The following SPTBN2 variants were observed in gnomAD, a reference collection of about 807,000 sequenced individuals.
The protein encoded by SPTBN2 is spectrin beta, non-erythrocytic 2, also known as spectrin beta chain, non-erythrocytic 2.
A neutral mutation model predicts 284.2 loss-of-function variants in SPTBN2; 107 were observed. The ratio of observed to expected loss-of-function variants is 0.38; its 90% CI spans 0.32 to 0.44. SPTBN2 has a LOEUF of 0.44. Among genes scored for constraint, SPTBN2 ranks in the 20% least tolerant of loss-of-function variants. The probability of loss-of-function intolerance (pLI) is 1.00; values close to 1 mark genes in which losing one functional copy is unlikely to be tolerated. For synonymous variants in SPTBN2, 1,289 were observed against 1,354.8 expected (o/e 0.95, Z 1.07); for missense variants, 2,569 against 3,287.1 (o/e 0.78, Z 5.34).
At chr11:66,714,547 C>T in intron 5 of SPTBN2, 140 bp from the exon 6 acceptor site, 1 of 756,120 alleles carries the variant, frequency 1.3e-6, no homozygotes, top group Non-Finnish European at 2.3e-6. Context: ...TCCTTTCAAC[C>T]TAGGCCAGGG....
At chr11:66,709,702 T>C (rs997881741) in intron 10 of SPTBN2, among the ~76,000 whole-genome samples, 3 of 152,234 alleles carry the variant, frequency 2.0e-5, no homozygotes, top group African/African-American at 2.4e-5. Context: ...CTGGAATGTA[T>C]AGAAACAATT....
In SPTBN2 at chr11:66,685,718, A is replaced by T; in HGVS notation, c.*153T>A. 1 of 717,836 alleles carries T rather than the reference A, an allele frequency of 1.4e-6. No homozygotes were observed. The highest frequency in any genetic ancestry group is 2.1e-5 in the Admixed American group (1 of 47,290). 44.5% of individuals were successfully genotyped at this position (717,836 alleles called of 1,614,324 possible). A position where few individuals can be genotyped will look rare whatever the true frequency, so the allele number is the denominator to read the frequency against. ...AGAAGGGCTGCCCTTGGGAACATGG[A>T]CTCGTCCCCAGTGACAGTTCCTGGT... On this transcript the variant is annotated 3_prime_UTR_variant, in exon 38 of 38. Transcript: ENST00000533211. The surrounding 1 kb of genome is among the most constrained non-coding windows in gnomAD (Gnocchi z 4.4).
In SPTBN2 at chr11:66,742,020, C is replaced by T. The variant is rs148981558; in HGVS notation, c.-475+2522G>A. 3.3e-3 allele frequency among the ~76,000 whole-genome samples: 498 copies of T among 152,218 alleles called. 2 individuals are homozygous for T. Among genetic ancestry groups the T allele is most frequent in the African/African-American group, 0.012 (484 of 41,522 alleles). ...ATTTTTTTGTAGAGACAGGCTGTCACTATAATGCCCAGGTTGGTCTCAAAC... is the reference window on the plus strand; with the variant it reads ...ATTTTTTTGTAGAGACAGGCTGTCATTATAATGCCCAGGTTGGTCTCAAAC... On this transcript the variant is annotated intron_variant, in intron 1 of 37. Transcript: ENST00000611817.
intron 20 of SPTBN2, among the ~76,000 whole-genome samples, chr11:66,698,167 G>A (rs1941035896): frequency 6.6e-6 from 1 of 152,196 alleles, no homozygotes; most frequent in African/African-American, 2.4e-5. Flanking sequence ...CTGGCCCACT[G>A]CCTGTTTTTA....
chr11:66,708,555 C>A lies in SPTBN2; in HGVS notation c.1192-256G>T, dbSNP rs115726288. Among the ~76,000 whole-genome samples, 1 of 152,082 alleles carries A rather than the reference C, an allele frequency of 6.6e-6. No homozygotes were observed. The highest frequency in any genetic ancestry group is 2.4e-5 in the African/African-American group (1 of 41,402). On this transcript the variant is annotated intron_variant, in intron 11 of 37. Transcript: ENST00000533211. The surrounding 1 kb of genome is among the most constrained non-coding windows in gnomAD (Gnocchi z 4.4). Reference sequence around the variant, plus strand: ...TCCTTTGTGTTGGCAGGACTGTGTGCGAACCTTATTTTTACTTTTAGTAAT... The same window carrying A: ...TCCTTTGTGTTGGCAGGACTGTGTGAGAACCTTATTTTTACTTTTAGTAAT...
intron 15 of SPTBN2, 32 bp downstream of exon 15, chr11:66,704,566 G>T: frequency 6.8e-6 from 9 of 1,314,002 alleles, no homozygotes; most frequent in South Asian, 1.2e-5. Flanking sequence ...CACCTCCCAA[G>T]GCTGGTCCCA....
intron 3 of SPTBN2, among the ~76,000 whole-genome samples, chr11:66,720,688 G>A (rs1942356593): frequency 6.6e-6 from 1 of 152,174 alleles, no homozygotes; most frequent in Non-Finnish European, 1.5e-5. Flanking sequence ...GGGAACAGGT[G>A]TGGGAAATGA....
chr11:66,686,300 A>AAGAGG lies in SPTBN2; in HGVS notation c.6939+97_6939+98insCCTCT, dbSNP rs746986718. 46 of 1,548,016 alleles carry AAGAGG rather than the reference A, an allele frequency of 3.0e-5. No homozygotes were observed. In the East Asian group the frequency reaches 8.7e-4, roughly 29 times the overall value. ...ACATCCAGTCTTACCACAAAGGACA[A>AAGAGG]GACCAGGAAAAAGAGGGAGGACAGG... On this transcript the variant is annotated intron_variant, in intron 37 of 37. Coordinates refer to ENST00000533211, the MANE Select transcript of SPTBN2 (RefSeq NM_006946.4).
At chr11:66,739,244 T>A (rs1006827517) in intron 1 of SPTBN2, among the ~76,000 whole-genome samples, 1 of 152,178 alleles carries the variant, frequency 6.6e-6, no homozygotes, top group Non-Finnish European at 1.5e-5. Context: ...CACAGCCAAG[T>A]CAACTTTTAG....
chr11:66,689,451 T>C, intron 29 of SPTBN2: 2 of 528,566 alleles, frequency 3.8e-6, no homozygotes, highest in South Asian at 4.1e-5. Flanking sequence ...TTTTTGTGTT[T>C]TTAGTGGAAA....
intron 31 of SPTBN2, 151 bp downstream of exon 31, chr11:66,688,502 T>A: frequency 1.4e-6 from 2 of 1,451,320 alleles, no homozygotes; most frequent in Non-Finnish European, 1.9e-6. Flanking sequence ...AACTGACACC[T>A]CCTAAAGGTG....
chr11:66,733,881 G>A (rs952296030), upstream of SPTBN2, among the ~76,000 whole-genome samples: 1 of 151,796 alleles, frequency 6.6e-6, no homozygotes, highest in African/African-American at 2.4e-5. Context: ...GGGAGGCTGA[G>A]GCAGGAGAAT....
intron 20 of SPTBN2, among the ~76,000 whole-genome samples, chr11:66,697,541 GCA>G (rs899816169): frequency 6.6e-5 from 10 of 152,094 alleles, no homozygotes; most frequent in African/African-American, 2.2e-4. Context: ...TCCCAAACAG[GCA>G]CTGCCTACCA....
intron 5 of SPTBN2, 55 bp from the exon 6 acceptor site, chr11:66,714,462 TCA>T: frequency 1.4e-6 from 2 of 1,416,546 alleles, no homozygotes; most frequent in Non-Finnish European, 2.0e-6. Flanking sequence ...CCTGGTGTTA[TCA>T]GAGATGCTCA....
intron 15 of SPTBN2, among the ~76,000 whole-genome samples, chr11:66,703,009 C>A (rs999206393): frequency 1.3e-5 from 2 of 151,182 alleles, no homozygotes; most frequent in East Asian, 3.9e-4. Flanking sequence ...GGATTTGGCC[C>A]AAGGGTTGCA....
At position 66,708,922 on chromosome 11, in the gene SPTBN2, G is replaced by A. The variant is rs1941710382; in HGVS notation, c.1171C>T (p.Leu391Phe). ...CGGACCTTGTTGATGTCCGAGATGA[G>A]CCGGCCCTCGCGGGGCGTGTAGACC... Reference protein sequence around the residue: ...QKVYTPREGRLISDINKAWER... With the variant: ...QKVYTPREGRFISDINKAWER... Residue 391 changes from leucine to phenylalanine, a missense_variant, in exon 11 of 38, where the codon CTC (leucine) becomes TTC (phenylalanine). Coordinates refer to ENST00000533211, the MANE Select transcript of SPTBN2 (RefSeq NM_006946.4). The surrounding 1 kb of genome is among the most constrained non-coding windows in gnomAD (Gnocchi z 4.4). 1 of 1,613,924 alleles carries A rather than the reference G, an allele frequency of 6.2e-7. No homozygotes were observed. The highest frequency in any genetic ancestry group is 1.3e-5 in the African/African-American group (1 of 74,918).
In SPTBN2 at chr11:66,707,399, G is replaced by A. The variant is rs1056248573; in HGVS notation, c.1653+117C>T. 1 of 1,104,784 alleles carries A rather than the reference G, an allele frequency of 9.1e-7. No individual in the cohort carries two copies. The highest frequency in any genetic ancestry group is 2.6e-5 in the East Asian group (1 of 38,744). 68.4% of individuals were successfully genotyped at this position (1,104,784 alleles called of 1,614,324 possible). Reference sequence around the variant, plus strand: ...TTTGTTCCCTGCAACTGGGGACAGGGCCCTGTGCTGGTTCACACTCCACAG... The same window carrying A: ...TTTGTTCCCTGCAACTGGGGACAGGACCCTGTGCTGGTTCACACTCCACAG... On this transcript the variant is annotated intron_variant, in intron 13 of 37. Coordinates refer to ENST00000533211, the MANE Select transcript of SPTBN2 (RefSeq NM_006946.4). The surrounding 1 kb of genome is among the most constrained non-coding windows in gnomAD (Gnocchi z 4.9).
intron 1 of SPTBN2, among the ~76,000 whole-genome samples, chr11:66,740,337 C>T (rs985044753): frequency 6.6e-6 from 1 of 152,150 alleles, no homozygotes; most frequent in Non-Finnish European, 1.5e-5. Context: ...TCTCTCTTTT[C>T]CCCTAAGTCT....
intron 20 of SPTBN2, among the ~76,000 whole-genome samples, chr11:66,698,105 G>A (rs963239220): frequency 2.6e-5 from 4 of 152,140 alleles, no homozygotes; most frequent in East Asian, 1.9e-4. Flanking sequence ...AACCAGGGAC[G>A]GCAAGACTCG....
Sources: gnomAD v4.1 joint callset for allele counts (sites outside exome capture counted in the v4.1 genomes callset) on GRCh38, gnomAD v4.1.1 for gene constraint, Gnocchi (gnomAD v3.1) non-coding constraint, MANE v1.5 for transcripts, NCBI Gene and HGNC (gene_info 2026-07-23, HGNC 2026-07-21) for gene names.